The following FARS2 variants were observed in gnomAD, a reference collection of about 807,000 sequenced individuals.
FARS2 encodes phenylalanine--tRNA ligase, mitochondrial.
In FARS2, 40 loss-of-function variants were observed where a neutral mutation model predicts 46.4. That is an observed-to-expected ratio of 0.86 (90% CI 0.67 to 1.12). The LOEUF (loss-of-function observed/expected upper bound fraction) is 1.12. Ranked by LOEUF, FARS2 falls within the 50% of genes most tolerant of loss-of-function variation. The probability of loss-of-function intolerance (pLI) is 0.00; values close to 1 mark genes in which losing one functional copy is unlikely to be tolerated. For synonymous variants in FARS2, 234 were observed against 214.9 expected (o/e 1.09, Z -0.78); for missense variants, 513 against 567.9 (o/e 0.90, Z 0.98).
chr6:5,342,712 A>G (rs373788482), intron 1 of FARS2, among the ~76,000 whole-genome samples: 1 of 151,692 alleles, frequency 6.6e-6, no homozygotes, highest in South Asian at 2.1e-4. Context: ...AGATCACGCC[A>G]TTGCCCTCCA....
intron 6 of FARS2, among the ~76,000 whole-genome samples, chr6:5,672,640 C>T (rs1778536532): frequency 6.6e-6 from 1 of 152,198 alleles, no homozygotes; most frequent in African/African-American, 2.4e-5. Flanking sequence ...TAAAGCATTT[C>T]TACACCTCCC....
chr6:5,465,346 T>C (rs1034252804), intron 4 of FARS2, among the ~76,000 whole-genome samples: 3 of 152,238 alleles, frequency 2.0e-5, no homozygotes, highest in Admixed American at 1.3e-4. Flanking sequence ...AGGTGGTTGG[T>C]TGGTGATGTG....
chr6:5,661,510 G>T (rs2150781788), intron 6 of FARS2, among the ~76,000 whole-genome samples: 1 of 152,290 alleles, frequency 6.6e-6, no homozygotes, highest in East Asian at 1.9e-4. Context: ...GAGCAAATCT[G>T]CCTGGAACGT....
chr6:5,606,475 C>T (rs902109498), intron 5 of FARS2, among the ~76,000 whole-genome samples: 7 of 152,006 alleles, frequency 4.6e-5, no homozygotes, highest in African/African-American at 1.7e-4. Flanking sequence ...GAGAGTTTGC[C>T]TCCTGTGGAC....
At chr6:5,731,824 A>G (rs554250165) in intron 6 of FARS2, among the ~76,000 whole-genome samples, 1 of 150,360 alleles carries the variant, frequency 6.7e-6, no homozygotes, top group East Asian at 1.9e-4. Flanking sequence ...GAGGTCCTCA[A>G]CATTTGCTAG....
intron 4 of FARS2, among the ~76,000 whole-genome samples, chr6:5,524,531 T>C (rs891712646): frequency 2.0e-5 from 3 of 152,274 alleles, no homozygotes; most frequent in African/African-American, 7.2e-5. Flanking sequence ...TGTTCATTGC[T>C]ACTTGACGTG....
At chr6:5,452,294 C>G (rs944186286) in intron 4 of FARS2, 3 of 152,350 alleles carry the variant, frequency 2.0e-5, no homozygotes, top group African/African-American at 7.2e-5. Context: ...AGAGGCCATA[C>G]TTAAGGGTTT....
At chr6:5,355,828 G>A (rs1757884980) in intron 1 of FARS2, among the ~76,000 whole-genome samples, 1 of 151,984 alleles carries the variant, frequency 6.6e-6, no homozygotes, top group Non-Finnish European at 1.5e-5. Flanking sequence ...TCTCTTCCTT[G>A]GAGACACCTA....
chr6:5,401,845 T>G (rs1391319496), intron 2 of FARS2, among the ~76,000 whole-genome samples: 1 of 152,208 alleles, frequency 6.6e-6, no homozygotes, highest in Non-Finnish European at 1.5e-5. Flanking sequence ...ATTGCTTTAC[T>G]CCTCTACATT....
chr6:5,423,925 A>C (rs1478536185), intron 3 of FARS2, among the ~76,000 whole-genome samples: 1 of 152,158 alleles, frequency 6.6e-6, no homozygotes, highest in African/African-American at 2.4e-5. Flanking sequence ...CAGTATTTGT[A>C]TTCCCACATG....
At chr6:5,408,627 A>C (rs751924590) in intron 3 of FARS2, among the ~76,000 whole-genome samples, 12 of 152,216 alleles carry the variant, frequency 7.9e-5, no homozygotes, top group Non-Finnish European at 1.5e-4. Flanking sequence ...GCTTCACTCA[A>C]GAATAAAACA....
intron 6 of FARS2, among the ~76,000 whole-genome samples, chr6:5,715,133 T>C (rs1428937953): frequency 6.6e-6 from 1 of 152,230 alleles, no homozygotes; most frequent in Non-Finnish European, 1.5e-5. Flanking sequence ...TGCACGCCCA[T>C]ATTACTATCC....
chr6:5,292,648 T>C (rs545805813), intron 1 of FARS2, among the ~76,000 whole-genome samples: 8 of 152,280 alleles, frequency 5.3e-5, no homozygotes, highest in East Asian at 1.9e-4. Flanking sequence ...GAGTTTGAGG[T>C]ACCTGAGGGA....
At chr6:5,769,079 G>T (rs570017646) in intron 6 of FARS2, among the ~76,000 whole-genome samples, 16 of 152,122 alleles carry the variant, frequency 1.1e-4, no homozygotes, top group Non-Finnish European at 1.9e-4. Flanking sequence ...TTACTCATCT[G>T]TTTTCTTCTA....
chr6:5,391,196 T>C (rs1225138279), intron 2 of FARS2, among the ~76,000 whole-genome samples: 1 of 152,136 alleles, frequency 6.6e-6, no homozygotes, highest in Non-Finnish European at 1.5e-5. Flanking sequence ...ATATATTCCA[T>C]CACGGAAATA....
chr6:5,349,228 T>C (rs1260091310), intron 1 of FARS2, among the ~76,000 whole-genome samples: 1 of 152,210 alleles, frequency 6.6e-6, no homozygotes, highest in East Asian at 1.9e-4. Flanking sequence ...AGAATATCAT[T>C]TGTAATCACT....
In FARS2 at chr6:5,700,624, C is replaced by T. The variant is rs200583039; in HGVS notation, c.1218-70667C>T. Among the ~76,000 whole-genome samples the T allele has an allele frequency of 1.4e-4, 21 of 152,244 alleles. No homozygotes were observed. The East Asian group carries it at 1.7e-3, about 13-fold the overall frequency. On this transcript the variant is annotated intron_variant, in intron 6 of 6. Transcript: ENST00000274680. Reference sequence around the variant, plus strand: ...TGTTGGCCAGGCTGGTCTCGAACTCCGGACTTTGTGATGCACCCGCCTCGG... The same window carrying T: ...TGTTGGCCAGGCTGGTCTCGAACTCTGGACTTTGTGATGCACCCGCCTCGG...
At chr6:5,263,938 A>G (rs1448204916) in intron 1 of FARS2, among the ~76,000 whole-genome samples, 1 of 152,208 alleles carries the variant, frequency 6.6e-6, no homozygotes, top group Non-Finnish European at 1.5e-5. Flanking sequence ...TCAGCTGGGC[A>G]TGGTGGCTCA....
chr6:5,450,596 A>T (rs1180701361), intron 4 of FARS2, among the ~76,000 whole-genome samples: 1 of 152,002 alleles, frequency 6.6e-6, no homozygotes, highest in African/African-American at 2.4e-5. Flanking sequence ...TCTTCTTTTG[A>T]TGTTTTTCAA....
Sources: gnomAD v4.1 joint callset for allele counts (sites outside exome capture counted in the v4.1 genomes callset) on GRCh38, gnomAD v4.1.1 for gene constraint, MANE v1.5 for transcripts, NCBI Gene and HGNC (gene_info 2026-07-23, HGNC 2026-07-21) for gene names.